Variants in USP7 observed in about 807,000 individuals in gnomAD.
The protein encoded by USP7 is ubiquitin specific peptidase 7, also known as ubiquitin C-terminal hydrolase 7.
A neutral mutation model predicts 162.9 loss-of-function variants in USP7; 9 were observed. The ratio of observed to expected loss-of-function variants is 0.06; its 90% CI spans 0.03 to 0.10. The LOEUF is 0.10. Among genes scored for constraint, USP7 ranks in the 10% least tolerant of loss-of-function variants. USP7 has a pLI of 1.00. For synonymous variants in USP7, 562 were observed against 475.9 expected, an observed-to-expected ratio of 1.18 and a Z score of -2.35; for missense variants, 715 against 1,373.7, an observed-to-expected ratio of 0.52 and a Z score of 7.58.
chr16:8,926,799 CT>C (rs1350310144), intron 2 of USP7, among the ~76,000 whole-genome samples: 1 of 152,216 alleles, frequency 6.6e-6, no homozygotes, highest in Non-Finnish European at 1.5e-5. Context: ...CTTCTTTTTA[CT>C]GTAAATGACA....
chr16:8,948,094 C>A (rs1406308822), intron 1 of USP7, among the ~76,000 whole-genome samples: 1 of 152,166 alleles, frequency 6.6e-6, no homozygotes, highest in African/African-American at 2.4e-5. Flanking sequence ...AGCACCAGAC[C>A]CAGATGCTAA....
chr16:8,920,429 T>C lies in USP7; in HGVS notation c.541A>G (p.Lys181Glu). 6.2e-7 allele frequency: 1 copy of C among 1,613,366 alleles called. No homozygotes were observed. ...MAWSEVTDPE[K>E]GFIDDDKVTF... ...ACTTTGTCATCATCTATAAATCCTT[T>C]CTCAGGATCGGTCACTTCCTATAAA... is the stretch of plus-strand genomic sequence containing the variant. The change falls in exon 5 of 31, where the codon AAA (lysine) becomes GAA (glutamate). Residue 181 changes from lysine to glutamate, a missense_variant. Physicochemically the swap from Lys to Glu is moderately conservative, Grantham distance 56. Coordinates refer to ENST00000344836, the MANE Select transcript of USP7 (RefSeq NM_003470.3).
At chr16:8,950,175 TATTTA>T (rs1457785649) in intron 1 of USP7, among the ~76,000 whole-genome samples, 3 of 152,240 alleles carry the variant, frequency 2.0e-5, no homozygotes, top group African/African-American at 4.8e-5. Flanking sequence ...AATATTTATG[TATTTA>T]ATTTAATCAA....
chr16:8,918,245 C>T (rs1897487022), intron 6 of USP7, among the ~76,000 whole-genome samples: 1 of 152,178 alleles, frequency 6.6e-6, no homozygotes, highest in Admixed American at 6.5e-5. Context: ...GGATGACAAG[C>T]CAGCCAGCTC....
At chr16:8,911,908 T>C (rs918028047) in intron 10 of USP7, among the ~76,000 whole-genome samples, 1 of 152,154 alleles carries the variant, frequency 6.6e-6, no homozygotes, top group Non-Finnish European at 1.5e-5. Flanking sequence ...GAAGTCTGTG[T>C]TCCCACCAGC....
intron 11 of USP7, among the ~76,000 whole-genome samples, chr16:8,909,508 C>T (rs774966807): frequency 2.6e-5 from 4 of 152,328 alleles, no homozygotes; most frequent in South Asian, 2.1e-4. Flanking sequence ...CTGTCTCCAC[C>T]GCTGTCCACT....
At chr16:8,940,724 T>A (rs1899003299) in intron 1 of USP7, among the ~76,000 whole-genome samples, 1 of 151,926 alleles carries the variant, frequency 6.6e-6, no homozygotes, top group Non-Finnish European at 1.5e-5. Flanking sequence ...GGCTGTGGAG[T>A]GAGATCAATC....
chr16:8,915,114 A>G (rs1567220797), intron 10 of USP7, 140 bp downstream of exon 10: 2 of 787,456 alleles, frequency 2.5e-6, no homozygotes, highest in Non-Finnish European at 3.9e-6. Context: ...GCCTGTGTTC[A>G]CCCAGTGAGC....
intron 18 of USP7, 86 bp from the exon 19 acceptor site, chr16:8,901,320 GAAAA>G (rs60094465): frequency 0.062 from 41,400 of 663,608 alleles, 1,512 homozygotes; most frequent in Middle Eastern, 0.11. Flanking sequence ...ACAAAAAAAC[GAAAA>G]AAAAAAAACA....
chr16:8,960,923 C>A (rs182571423), intron 1 of USP7, among the ~76,000 whole-genome samples: 142 of 152,284 alleles, frequency 9.3e-4, no homozygotes, highest in African/African-American at 3.2e-3. Flanking sequence ...GTGCTCACTA[C>A]AAGAAAAGGG....
At chr16:8,952,877 C>T (rs2141263181) in intron 1 of USP7, among the ~76,000 whole-genome samples, 1 of 151,924 alleles carries the variant, frequency 6.6e-6, no homozygotes, top group African/African-American at 2.4e-5. Flanking sequence ...CTTGTTGTCG[C>T]CCAGGCTAGA....
In USP7 at chr16:8,902,187, T is replaced by C. The variant is rs762458977; in HGVS notation, c.1942A>G (p.Met648Val). 4.3e-6 allele frequency: 7 copies of C among 1,613,916 alleles called. No homozygotes were observed. The highest frequency in any genetic ancestry group is 5.9e-6 in the Non-Finnish European group (7 of 1,179,932). The change falls in exon 18 of 31, where the codon ATG becomes GTG. Residue 648 changes from methionine (M) to valine (V), a missense_variant and splice_region_variant. By Grantham distance (21) the Met-to-Val change is conservative. This residue lies in a region of USP7 where 197 missense variants were observed against 306.5 expected (regional missense o/e 0.64). Transcript: ENST00000344836. ...LDNEADGNKT[M>V]IELSDNENPW... ...TTTTCATTATCACTGAGCTCAATCA[T>C]CTATTTCCAAAAGAGACGCTGATTT...
intron 10 of USP7, among the ~76,000 whole-genome samples, chr16:8,914,770 T>C (rs1026392752): frequency 9.3e-5 from 14 of 150,062 alleles, no homozygotes; most frequent in African/African-American, 3.4e-4. Context: ...AAAAAAAAAA[T>C]TAGCTGGGTG....
rs904401490 is a variant in USP7, at chr16:8,942,510, ACT to A, written c.80-12115_80-12114del. 2.6e-5 allele frequency among the ~76,000 whole-genome samples: 4 copies of A among 152,134 alleles called. No homozygotes were observed. The Middle Eastern group carries it at 0.01, about 388-fold the overall frequency. On this transcript the variant is annotated intron_variant, in intron 1 of 30. Transcript: ENST00000344836. ...TCTAAAACGGGGGCCCTCCTAAGTA[ACT>A]CTGAATCCCTCTGGTCTTATTAACA... is the stretch of plus-strand genomic sequence containing the variant.
intron 1 of USP7, among the ~76,000 whole-genome samples, chr16:8,959,883 C>T (rs1899942970): frequency 1.3e-5 from 2 of 152,194 alleles, no homozygotes; most frequent in Non-Finnish European, 2.9e-5. Flanking sequence ...CTCCTAATAG[C>T]AGCAGTCTAA....
chr16:8,913,325 C>T lies in USP7; in HGVS notation c.1078+1929G>A, dbSNP rs529541152. ...GAGCCGAGATCGCACCACTGCACTC[C>T]AGCCTGGGCAACAGAGCGAGACTCC... On this transcript the variant is annotated intron_variant, in intron 10 of 30. Coordinates refer to ENST00000344836, the MANE Select transcript of USP7 (RefSeq NM_003470.3). Among the ~76,000 whole-genome samples the T allele has an allele frequency of 2.7e-4, 41 of 152,302 alleles. No homozygotes were observed. The East Asian group carries it at 7.7e-3, about 29-fold the overall frequency.
chr16:8,893,919 A>C lies in USP7; in HGVS notation c.*79T>G. 1.6e-6 allele frequency: 2 copies of C among 1,242,776 alleles called. No individual in the cohort carries two copies. Among genetic ancestry groups the C allele is most frequent in the Non-Finnish European group, 2.4e-6 (2 of 844,520 alleles). The allele number at this position is 1,242,776 out of a possible 1,614,324, so 77.0% of individuals were successfully genotyped here. A position where few individuals can be genotyped will look rare whatever the true frequency, so the allele number is the denominator to read the frequency against. ...TCCTCTTGCTGAAGACTTCGGCTAG[A>C]GGGCACGTGCACCAAAGTTCTAGGC... On this transcript the variant is annotated 3_prime_UTR_variant, in exon 31 of 31. Coordinates refer to ENST00000344836, the MANE Select transcript of USP7 (RefSeq NM_003470.3).
Position 8,923,399 on chromosome 16 carries a change from A to G in USP7, c.199T>C (p.Ser67Pro). Reference protein sequence around the residue: ...EDMEDDTSWRSEATFQFTVER... With the variant: ...EDMEDDTSWRPEATFQFTVER... ...ACAGTGAACTGAAAGGTTGCCTCGG[A>G]GCGCCAACTGGTGTCTGCAAAAAAA... Residue 67 changes from serine (S) to proline (P), a missense_variant, in exon 3 of 31, where the codon TCC becomes CCC. By Grantham distance (74) the Ser-to-Pro change is moderately conservative. Transcript: ENST00000344836. The G allele has an allele frequency of 6.2e-7, 1 of 1,614,184 alleles. No individual in the cohort carries two copies. Among genetic ancestry groups the G allele is most frequent in the Non-Finnish European group, 8.5e-7 (1 of 1,180,012 alleles).
chr16:8,899,499 C>T, intron 22 of USP7, 105 bp downstream of exon 22: 4 of 1,452,570 alleles, frequency 2.8e-6, no homozygotes, highest in Non-Finnish European at 3.8e-6. Context: ...GGCATAGCCC[C>T]TTCTGAACCA....
Sources: gnomAD v4.1 joint callset for allele counts (sites outside exome capture counted in the v4.1 genomes callset) on GRCh38, gnomAD v4.1.1 for gene constraint, gnomAD v4.1.1 regional missense constraint, MANE v1.5 for transcripts, NCBI Gene and HGNC (gene_info 2026-07-23, HGNC 2026-07-21) for gene names.